PDE4B: variants seen among roughly 807,000 people sequenced by gnomAD.
The protein encoded by PDE4B is phosphodiesterase 4B, also known as 3',5'-cyclic-AMP phosphodiesterase 4B.
In PDE4B, 20 loss-of-function variants were observed where a neutral mutation model predicts 82.2. The observed-to-expected ratio is 0.24, with a 90% confidence interval of 0.17 to 0.35. The LOEUF (loss-of-function observed/expected upper bound fraction) is 0.35. PDE4B is among the 10% of genes least tolerant of loss of function. The probability of loss-of-function intolerance (pLI) is 1.00; values close to 1 mark genes in which losing one functional copy is unlikely to be tolerated. For synonymous variants in PDE4B, 320 were observed against 318.9 expected, an observed-to-expected ratio of 1.00 and a Z score of -0.04; for missense variants, 655 against 907.2, an observed-to-expected ratio of 0.72 and a Z score of 3.57.
chr1:66,177,951 A>G (rs1011015136), intron 3 of PDE4B, among the ~76,000 whole-genome samples: 11 of 152,144 alleles, frequency 7.2e-5, no homozygotes, highest in African/African-American at 2.2e-4. Flanking sequence ...CTAAGATACA[A>G]AGGACCAAGT....
At chr1:66,211,632 C>T (rs558671762) in intron 3 of PDE4B, among the ~76,000 whole-genome samples, 4 of 152,326 alleles carry the variant, frequency 2.6e-5, no homozygotes, top group East Asian at 1.9e-4. Flanking sequence ...AGCATTTTCA[C>T]GTGGGTGCTT....
At chr1:66,354,816 T>C (rs1232788652) in intron 8 of PDE4B, 3 of 1,535,300 alleles carry the variant, frequency 2.0e-6, no homozygotes, top group Non-Finnish European at 2.6e-6. Flanking sequence ...TCAAAGGGAT[T>C]TGTGGATTGT....
rs1209144422 is a variant in PDE4B, at chr1:66,373,168, T to C, written c.*490T>C. On this transcript the variant is annotated 3_prime_UTR_variant, in exon 17 of 17. Coordinates refer to ENST00000341517, the MANE Select transcript of PDE4B (RefSeq NM_002600.4). Reference sequence around the variant, plus strand: ...CTTCTACACAGATAAGCTTTCAAAGTTGACAAACTTTTTTGACTCTTTCTG... The same window carrying C: ...CTTCTACACAGATAAGCTTTCAAAGCTGACAAACTTTTTTGACTCTTTCTG... 6.5e-6 allele frequency: 1 copy of C among 153,892 alleles called. No individual in the cohort carries two copies. The highest frequency in any genetic ancestry group is 1.5e-5 in the Non-Finnish European group (1 of 68,852). The allele number at this position is 153,892 out of a possible 1,614,324, so 9.5% of individuals were successfully genotyped here. A position where few individuals can be genotyped will look rare whatever the true frequency, so the allele number is the denominator to read the frequency against.
intron 3 of PDE4B, among the ~76,000 whole-genome samples, chr1:66,141,006 G>A (rs1646159613): frequency 6.6e-6 from 1 of 151,954 alleles, no homozygotes; most frequent in South Asian, 2.1e-4. Flanking sequence ...ACATTCTTTG[G>A]CAGATGCAGA....
intron 3 of PDE4B, among the ~76,000 whole-genome samples, chr1:66,166,171 G>A (rs533399768): frequency 6.6e-6 from 1 of 152,108 alleles, no homozygotes; most frequent in Non-Finnish European, 1.5e-5. Flanking sequence ...AAATAATACA[G>A]AGACAACTGG....
intron 3 of PDE4B, among the ~76,000 whole-genome samples, chr1:66,116,300 T>C (rs2101064572): frequency 6.6e-6 from 1 of 152,114 alleles, no homozygotes; most frequent in South Asian, 2.1e-4. Context: ...TAGGAAAGGG[T>C]CCATTAAAAA....
intron 3 of PDE4B, among the ~76,000 whole-genome samples, chr1:66,075,288 T>A (rs780045714): frequency 6.6e-6 from 1 of 152,048 alleles, no homozygotes; most frequent in Non-Finnish European, 1.5e-5. Flanking sequence ...CTACATCAGC[T>A]GGGCTATGAA....
At chr1:66,297,497 G>A (rs1279605375) in intron 7 of PDE4B, among the ~76,000 whole-genome samples, 1 of 152,020 alleles carries the variant, frequency 6.6e-6, no homozygotes, top group Non-Finnish European at 1.5e-5. Flanking sequence ...TAAAAGGATG[G>A]CATTGCTTTA....
intron 3 of PDE4B, chr1:66,152,588 ATGTG>A (rs565977541): frequency 2.8e-5 from 6 of 213,632 alleles, no homozygotes; most frequent in South Asian, 1.0e-4. Flanking sequence ...GTGCATATAT[ATGTG>A]TGTGTGTGTG....
At chr1:65,871,814 G>C (rs1646576695) in intron 1 of PDE4B, among the ~76,000 whole-genome samples, 1 of 152,118 alleles carries the variant, frequency 6.6e-6, no homozygotes, top group Non-Finnish European at 1.5e-5. Flanking sequence ...TGCTTGCCAA[G>C]AAGTATAATA....
intron 6 of PDE4B, among the ~76,000 whole-genome samples, chr1:66,263,305 T>C (rs1654816125): frequency 6.6e-6 from 1 of 152,144 alleles, no homozygotes; most frequent in Admixed American, 6.5e-5. Flanking sequence ...CTAGGACATA[T>C]GAAAGAGCTA....
intron 8 of PDE4B, among the ~76,000 whole-genome samples, chr1:66,336,757 G>A (rs1660550237): frequency 6.6e-6 from 1 of 152,148 alleles, no homozygotes; most frequent in South Asian, 2.1e-4. Context: ...TGTGAAGTCG[G>A]CTACAGATAA....
At chr1:65,993,251 C>T in intron 3 of PDE4B, 1 of 770,274 alleles carries the variant, frequency 1.3e-6, no homozygotes, top group East Asian at 2.7e-5. Context: ...CTAAAACATA[C>T]TGCAAGTGTG....
chr1:66,256,720 T>C (rs1654259293), intron 4 of PDE4B, among the ~76,000 whole-genome samples: 1 of 152,204 alleles, frequency 6.6e-6, no homozygotes, highest in Non-Finnish European at 1.5e-5. Context: ...GTTGCACTAA[T>C]GTAGTTAACA....
rs113916749 is a variant in PDE4B at position 65,872,874 on chromosome 1, A to C, written c.-70-40371A>C. Among the ~76,000 whole-genome samples the C allele has an allele frequency of 3.0e-3, 456 of 152,258 alleles. 1 individual carries two copies. Among genetic ancestry groups the C allele is most frequent in the African/African-American group, 0.01 (426 of 41,572 alleles). On this transcript the variant is annotated intron_variant, in intron 1 of 16. Transcript: ENST00000341517. ...GTGAGGAAAGAATATAGAGGTTATC[A>C]TTTTTTCCCACTTTACTGATAAAAC... is the stretch of plus-strand genomic sequence containing the variant.
chr1:66,254,090 C>G (rs1282146205), intron 4 of PDE4B, among the ~76,000 whole-genome samples: 1 of 152,144 alleles, frequency 6.6e-6, no homozygotes, highest in Non-Finnish European at 1.5e-5. Flanking sequence ...AGATACTAGA[C>G]TCTGGAAATC....
chr1:66,332,353 T>A, intron 7 of PDE4B, 155 bp from the exon 8 acceptor site: 1 of 1,609,114 alleles, frequency 6.2e-7, no homozygotes, highest in South Asian at 1.1e-5. Context: ...GTTCTCCTGG[T>A]GGAGAGAGCT....
chr1:66,264,678 A>T (rs1019174423), intron 6 of PDE4B, among the ~76,000 whole-genome samples: 1 of 152,218 alleles, frequency 6.6e-6, no homozygotes, highest in Non-Finnish European at 1.5e-5. Flanking sequence ...GCTACTAGGT[A>T]TGGGTACCTA....
intron 1 of PDE4B, among the ~76,000 whole-genome samples, chr1:65,892,668 A>G (rs1485173256): frequency 6.6e-6 from 1 of 151,956 alleles, no homozygotes; most frequent in African/African-American, 2.4e-5. Flanking sequence ...CCACTTCATC[A>G]GTTATCCTTT....
Sources: allele counts gnomAD v4.1 joint callset (sites outside exome capture counted in the v4.1 genomes callset), GRCh38; gene constraint gnomAD v4.1.1; transcripts MANE v1.5; gene names NCBI Gene and HGNC (gene_info 2026-07-23, HGNC 2026-07-21).